HOXA3: variants seen among roughly 807,000 people sequenced by gnomAD.
HOXA3 encodes the protein homeobox A3, also known as homeobox protein Hox-A3.
In HOXA3, 8 loss-of-function variants were observed where a neutral mutation model predicts 30.3. That is an observed-to-expected ratio of 0.26 (90% confidence interval 0.15 to 0.48). The LOEUF (loss-of-function observed/expected upper bound fraction) is 0.48, where lower values mean the gene tolerates loss of function less well. HOXA3 is among the 20% of genes least tolerant of loss of function. The pLI is 0.99. For synonymous variants in HOXA3, 323 were observed against 273.1 expected (o/e 1.18, Z -1.80); for missense variants, 653 against 614.4 (o/e 1.06, Z -0.66).
chr7:27,120,128 A>G (rs1052938184), intron 4 of HOXA3, among the ~76,000 whole-genome samples: 2 of 152,074 alleles, frequency 1.3e-5, no homozygotes, highest in African/African-American at 4.8e-5. Context: ...CTAGAAAGGG[A>G]CCTGGAGGTA....
rs968500856 is a variant in HOXA3, at chr7:27,113,415, G to A, written c.-120-2655C>T. On this transcript the variant is annotated intron_variant, in intron 4 of 5. Coordinates refer to ENST00000612286, the MANE Select transcript of HOXA3 (RefSeq NM_153631.3). This position sits in a 1 kb window ranked among gnomAD's most constrained non-coding sequence, Gnocchi z 4.8. ...CTCCTTCCCTCTGCAACCCAGAAAA[G>A]TTAAGGCTGGGCTAGGGGAGAGGCA... Among the ~76,000 whole-genome samples the A allele has an allele frequency of 1.6e-4, 25 of 152,226 alleles. No individual in the cohort carries two copies. Among genetic ancestry groups the A allele is most frequent in the Admixed American group, 1.3e-3 (20 of 15,288 alleles).
At chr7:27,129,469 A>G (rs1562722087) in intron 2 of HOXA3, 2 of 1,614,066 alleles carry the variant, frequency 1.2e-6, no homozygotes, top group African/African-American at 2.7e-5. Flanking sequence ...CCGCCGGGTC[A>G]GGTATCGATT....
At chr7:27,147,788 T>C in intron 1 of HOXA3, 11 of 1,546,046 alleles carry the variant, frequency 7.1e-6, no homozygotes, top group Non-Finnish European at 9.7e-6. Flanking sequence ...TGTTGTGTAT[T>C]AGTACATCTG....
rs769163807 is a variant in HOXA3, at chr7:27,152,295, C to T, written c.-501G>A. 59 of 1,278,254 alleles carry T rather than the reference C, an allele frequency of 4.6e-5. No homozygotes were observed. Among genetic ancestry groups the T allele is most frequent in the Non-Finnish European group, 7.1e-6 (7 of 983,222 alleles). The allele number at this position is 1,278,254 out of a possible 1,614,324, so 79.2% of individuals were successfully genotyped here. A position where few individuals can be genotyped will look rare whatever the true frequency, so the allele number is the denominator to read the frequency against. On this transcript the variant is annotated 5_prime_UTR_variant, in exon 1 of 6. Coordinates refer to ENST00000612286, the MANE Select transcript of HOXA3 (RefSeq NM_153631.3). ...CCTCCCCACATGTCTCACCTTCAGACGGTGGCTCCCAGAAGCTCCTGCCCC... is the reference window on the plus strand; with the variant it reads ...CCTCCCCACATGTCTCACCTTCAGATGGTGGCTCCCAGAAGCTCCTGCCCC...
At chr7:27,120,536 C>T in intron 4 of HOXA3, among the ~76,000 whole-genome samples, 1 of 84,250 alleles carries the variant, frequency 1.2e-5, no homozygotes, top group East Asian at 3.3e-4. Context: ...GCGACTCTGT[C>T]AAAAAAAAAA....
chr7:27,130,726 A>G (rs1033347600), intron 2 of HOXA3: 39 of 1,605,416 alleles, frequency 2.4e-5, no homozygotes, highest in Non-Finnish European at 3.2e-5. Context: ...AAACGAGCTC[A>G]TGGTCATTAA....
At chr7:27,119,157 C>A (rs79751998) in intron 4 of HOXA3, among the ~76,000 whole-genome samples, 19 of 118,658 alleles carry the variant, frequency 1.6e-4, no homozygotes, top group Admixed American at 2.7e-4. Flanking sequence ...ACCCCCCCCC[C>A]CAAAAAAAAT....
intron 1 of HOXA3, among the ~76,000 whole-genome samples, chr7:27,146,729 A>G (rs1782780669): frequency 6.6e-6 from 1 of 152,118 alleles, no homozygotes; most frequent in Admixed American, 6.5e-5. Context: ...TGGGCTCAGA[A>G]GAGGGCAGAA....
chr7:27,109,254 C>T (rs954957607), intron 5 of HOXA3, among the ~76,000 whole-genome samples: 2 of 152,170 alleles, frequency 1.3e-5, no homozygotes, highest in Non-Finnish European at 2.9e-5. Context: ...AAGAAGAGAT[C>T]CCATTGAAGG....
At chr7:27,143,056 G>A in intron 1 of HOXA3, 2 of 1,528,660 alleles carry the variant, frequency 1.3e-6, no homozygotes, top group Non-Finnish European at 1.7e-6. Context: ...CATGACTTAT[G>A]TGCAGCTTGC....
chr7:27,108,288 G>C lies in HOXA3; in HGVS notation c.959C>G (p.Ala320Gly). The C allele has an allele frequency of 6.6e-7, 1 of 1,518,730 alleles. No individual in the cohort carries two copies. Among genetic ancestry groups the C allele is most frequent in the South Asian group, 1.3e-5 (1 of 77,694 alleles). 94.1% of individuals were successfully genotyped at this position (1,518,730 alleles called of 1,614,324 possible). A position where few individuals can be genotyped will look rare whatever the true frequency, so the allele number is the denominator to read the frequency against. The change falls in exon 6 of 6, where the codon GCA becomes GGA. Residue 320 changes from alanine (A) to glycine (G), a missense_variant. By Grantham distance (60) the Ala-to-Gly change is moderately conservative. Transcript: ENST00000612286. The surrounding 1 kb of genome is among the most constrained non-coding windows in gnomAD (Gnocchi z 5.0). ...ASYPASLPSC[A>G]PPPPPQKRYT... ...GCGCTTCTGTGGGGGTGGCGGGGGT[G>C]CGCAGCTGGGCAGGGACGCAGGGTA... is the stretch of plus-strand genomic sequence containing the variant.
chr7:27,129,228 T>C (rs1243436883), intron 2 of HOXA3: 3 of 1,487,786 alleles, frequency 2.0e-6, no homozygotes, highest in Non-Finnish European at 2.8e-6. Flanking sequence ...TAGAAGATTA[T>C]ATGGAGGAGG....
At chr7:27,146,279 G>T (rs2128062295) in intron 1 of HOXA3, among the ~76,000 whole-genome samples, 1 of 151,882 alleles carries the variant, frequency 6.6e-6, no homozygotes, top group East Asian at 1.9e-4. Flanking sequence ...GTGTGTCTGG[G>T]GTGGGTGGTG....
At chr7:27,121,605 G>A (rs1440490512) in intron 4 of HOXA3, among the ~76,000 whole-genome samples, 2 of 152,188 alleles carry the variant, frequency 1.3e-5, no homozygotes, top group East Asian at 3.9e-4. Flanking sequence ...TGAATATCAT[G>A]TTGCAATTAA....
rs70994629 is a variant in HOXA3, at chr7:27,114,744, T to TACACAC, written c.-120-3990_-120-3985dup. On this transcript the variant is annotated intron_variant, in intron 4 of 5. Coordinates refer to ENST00000612286, the MANE Select transcript of HOXA3 (RefSeq NM_153631.3). The stretch of plus-strand genomic sequence containing the variant: ...CTGACCCCAAGAGAAACCGACATCA[T>TACACAC]ACACACACACACACACACACACACG... Among the ~76,000 whole-genome samples the TACACAC allele has an allele frequency of 2.6e-4, 24 of 93,440 alleles. 3 individuals carry two copies. The highest frequency in any genetic ancestry group is 1.4e-3 in the East Asian group (4 of 2,944). The allele number at this position is 93,440 out of a possible 152,430, so 61.3% of individuals were successfully genotyped here. A position where few individuals can be genotyped will look rare whatever the true frequency, so the allele number is the denominator to read the frequency against.
At position 27,110,477 on chromosome 7, in the gene HOXA3, G is replaced by A. The variant is rs774271981; in HGVS notation, c.164C>T (p.Pro55Leu). 5 of 1,601,284 alleles carry A rather than the reference G, an allele frequency of 3.1e-6. No homozygotes were observed. The highest frequency in any genetic ancestry group is 2.6e-6 in the Non-Finnish European group (3 of 1,171,666). The part of the protein sequence containing the change: ...YHRPACSLQS[P>L]SSAGGHPKAH... The stretch of plus-strand genomic sequence containing the variant: ...CTTGGGGTGGCCCCCGGCGCTGGAG[G>A]GAGACTGGAGGGAGCAGGCGGGTCG... The change falls in exon 5 of 6, where the codon CCC (proline) becomes CTC (leucine). Residue 55 changes from proline (P) to leucine (L), a missense_variant. By Grantham distance (98) the Pro-to-Leu change is moderately conservative. This residue lies in a region of HOXA3 where 320 missense variants were observed against 321.9 expected (regional missense o/e 0.99). Coordinates refer to ENST00000612286, the MANE Select transcript of HOXA3 (RefSeq NM_153631.3).
At chr7:27,129,966 G>T in intron 2 of HOXA3, 3 of 835,096 alleles carry the variant, frequency 3.6e-6, no homozygotes, top group Non-Finnish European at 5.5e-6. Flanking sequence ...GCTGGCTGGC[G>T]CGCACATACC....
rs1303548549 is a variant in HOXA3, at chr7:27,110,439, T to A, written c.202A>T (p.Ser68Cys). 1 of 1,577,682 alleles carries A rather than the reference T, an allele frequency of 6.3e-7. No individual in the cohort carries two copies. ...AGGHPKAHEL[S>C]EACLRTLSAP... ...CTCAGGGTGCGCAGGCACGCCTCAC[T>A]CAGTTCGTGTGCCTTGGGGTGGCCC... Residue 68 changes from serine (S) to cysteine (C), a missense_variant, in exon 5 of 6, where the codon AGT (serine) becomes TGT (cysteine). Around this residue, in one of 3 missense-constraint regions of HOXA3, gnomAD observed 320 missense variants for 321.9 expected, o/e 0.99. Transcript: ENST00000612286.
rs542009746 is a variant in HOXA3, at chr7:27,121,679, T to C, written c.-121+880A>G. On this transcript the variant is annotated intron_variant, in intron 4 of 5. Coordinates refer to ENST00000612286, the MANE Select transcript of HOXA3 (RefSeq NM_153631.3). ...AAGACTGGAGGCCTAGGAAATAGAA[T>C]ACAAAATCTCAAAACTTTTTAAAAA... Among the ~76,000 whole-genome samples the C allele has an allele frequency of 3.3e-4, 51 of 152,270 alleles. No individual in the cohort carries two copies. In the South Asian group the frequency reaches 0.01, roughly 30 times the overall value.
Sources: allele counts gnomAD v4.1 joint callset (sites outside exome capture counted in the v4.1 genomes callset), GRCh38; gene constraint gnomAD v4.1.1; regional missense constraint gnomAD v4.1.1; non-coding constraint Gnocchi (gnomAD v3.1); transcripts MANE v1.5; gene names NCBI Gene and HGNC (gene_info 2026-07-23, HGNC 2026-07-21).